The following RANBP2 variants were observed in gnomAD, a reference collection of about 807,000 sequenced individuals.
RANBP2 encodes RAN binding protein 2, also known as E3 SUMO-protein ligase RanBP2.
RANBP2 carries 57 observed loss-of-function variants against 303.6 expected under a neutral mutation model. The ratio of observed to expected loss-of-function variants is 0.19; its 90% CI spans 0.15 to 0.23. RANBP2 has a LOEUF of 0.23. Ranked by LOEUF, RANBP2 falls within the 10% of genes least tolerant of loss-of-function variation. The pLI, the probability that RANBP2 is intolerant of heterozygous loss-of-function variation, is 1.00. For synonymous variants in RANBP2, 1,167 were observed against 1,301.5 expected, an observed-to-expected ratio of 0.90 and a Z score of 2.23; for missense variants, 3,138 against 3,780.8, an observed-to-expected ratio of 0.83 and a Z score of 4.46.
chr2:108,915,332 GC>G, the RANBP2 span, among the ~76,000 whole-genome samples: 1 of 152,218 alleles, frequency 6.6e-6, no homozygotes, highest in East Asian at 1.9e-4. Flanking sequence ...ATGGAGCAGG[GC>G]CACAGGAGAA....
rs1219328922 is a variant in RANBP2 at position 108,737,196 on chromosome 2, G to C, written c.782+947G>C. On this transcript the variant is annotated intron_variant, in intron 6 of 28. Transcript: ENST00000283195. ...TCTAAAAGAACTAACATAACTTTAA[G>C]ATTATTTTAGAAAACATGTAGGATG... is the stretch of plus-strand genomic sequence containing the variant. Among the ~76,000 whole-genome samples the C allele has an allele frequency of 3.3e-5, 5 of 152,152 alleles. No individual in the cohort carries two copies. In the South Asian group the frequency reaches 1.0e-3, roughly 32 times the overall value.
the RANBP2 span, among the ~76,000 whole-genome samples, chr2:109,314,495 G>A: frequency 3.9e-5 from 6 of 152,254 alleles, no homozygotes; most frequent in East Asian, 7.8e-4. Flanking sequence ...GACCTTTGAT[G>A]TCACCTCCGT....
the RANBP2 span, among the ~76,000 whole-genome samples, chr2:108,893,353 T>C: frequency 6.6e-6 from 1 of 152,162 alleles, no homozygotes; most frequent in Non-Finnish European, 1.5e-5. Context: ...AGACCTAGCC[T>C]GAGAGCCACT....
the RANBP2 span, among the ~76,000 whole-genome samples, chr2:108,857,704 A>G: frequency 1.3e-5 from 2 of 152,212 alleles, 1 homozygote; most frequent in South Asian, 4.1e-4. Flanking sequence ...TGTGTATTTC[A>G]GTTTACTAAT....
At position 108,763,647 on chromosome 2, in the gene RANBP2, T is replaced by A. The variant is rs1676903722; in HGVS notation, c.3108T>A (p.Asn1036Lys). The change falls in exon 20 of 29, where the codon AAT (asparagine) becomes AAA (lysine). Residue 1036 changes from asparagine to lysine, a missense_variant. Transcript: ENST00000283195. ...TQPTPFKFNS[N>K]FKSNDGDFTF... ...CAACTCCTTTTAAATTTAACTCAAATTTCAAATCAAATGATGGTGACTTCA... is the reference window on the plus strand; with the variant it reads ...CAACTCCTTTTAAATTTAACTCAAAATTCAAATCAAATGATGGTGACTTCA... 1 of 1,614,116 alleles carries A rather than the reference T, an allele frequency of 6.2e-7. No individual in the cohort carries two copies. The highest frequency in any genetic ancestry group is 1.1e-5 in the South Asian group (1 of 91,086).
chr2:109,170,350 T>G, the RANBP2 span, among the ~76,000 whole-genome samples: 3 of 151,274 alleles, frequency 2.0e-5, no homozygotes, highest in African/African-American at 7.3e-5. Context: ...CTCTTTCCTT[T>G]CTTTCTTTCT....
the RANBP2 span, among the ~76,000 whole-genome samples, chr2:108,792,187 A>G: frequency 6.6e-6 from 1 of 152,168 alleles, no homozygotes; most frequent in Non-Finnish European, 1.5e-5. Context: ...CGGGATTTCA[A>G]GGAATGAGAC....
chr2:108,727,460 A>G (rs577394959), intron 1 of RANBP2, among the ~76,000 whole-genome samples: 134 of 152,156 alleles, frequency 8.8e-4, no homozygotes, highest in Admixed American at 1.3e-3. Context: ...CAAACAGGAA[A>G]CATGTTTCGA....
At chr2:109,202,321 G>T in the RANBP2 span, among the ~76,000 whole-genome samples, 1 of 152,178 alleles carries the variant, frequency 6.6e-6, no homozygotes, top group Non-Finnish European at 1.5e-5. Context: ...GATGGATAAT[G>T]AAACTCCCTA....
At chr2:109,564,572 T>G in the RANBP2 span, 5 of 1,446,618 alleles carry the variant, frequency 3.5e-6, no homozygotes, top group Non-Finnish European at 4.6e-6. Flanking sequence ...AACACTGGAT[T>G]TTAATTCCTG....
the RANBP2 span, among the ~76,000 whole-genome samples, chr2:109,232,623 A>G: frequency 1.3e-5 from 2 of 152,138 alleles, no homozygotes; most frequent in Non-Finnish European, 2.9e-5. Context: ...TACCCTGTCC[A>G]TCCCTTCTTT....
At chr2:109,144,430 G>A in the RANBP2 span, among the ~76,000 whole-genome samples, 1 of 152,178 alleles carries the variant, frequency 6.6e-6, no homozygotes, top group African/African-American at 2.4e-5. Flanking sequence ...TCACCATGAC[G>A]TCTCTAGGTT....
At chr2:108,751,175 A>G in intron 9 of RANBP2, 89 bp from the exon 10 acceptor site, 1 of 1,543,902 alleles carries the variant, frequency 6.5e-7, no homozygotes, top group South Asian at 1.1e-5. Context: ...TAATTAAGAT[A>G]TATATAATGT....
At position 108,762,344 on chromosome 2, in the gene RANBP2, A is replaced by G. The variant is rs1244486639; in HGVS notation, c.2697+149A>G. 1.6e-5 allele frequency: 13 copies of G among 833,744 alleles called. No homozygotes were observed. In the African/African-American group the frequency reaches 2.7e-4, roughly 17 times the overall value. 51.6% of individuals were successfully genotyped at this position (833,744 alleles called of 1,614,324 possible). ...TTTAAATTTATCTCCAAATACAGAA[A>G]TTATCCTTCTTAGTCACCTTATTTT... is the stretch of plus-strand genomic sequence containing the variant. On this transcript the variant is annotated intron_variant, in intron 19 of 28. Transcript: ENST00000283195.
At chr2:108,864,569 G>A in the RANBP2 span, among the ~76,000 whole-genome samples, 23 of 152,098 alleles carry the variant, frequency 1.5e-4, no homozygotes, top group East Asian at 2.3e-3. Context: ...AGGCCAAGGC[G>A]GGCAGATCAC....
chr2:108,759,304 TAAAG>T (rs905106099), intron 18 of RANBP2, among the ~76,000 whole-genome samples: 1 of 152,112 alleles, frequency 6.6e-6, no homozygotes, highest in Non-Finnish European at 1.5e-5. Context: ...ATAAGGAAAT[TAAAG>T]AAAGGTTAGG....
chr2:109,652,472 A>G, the RANBP2 span, among the ~76,000 whole-genome samples: 13 of 151,970 alleles, frequency 8.6e-5, no homozygotes, highest in Non-Finnish European at 1.9e-4. Flanking sequence ...TGATCCGCCC[A>G]CCTCGGCCTC....
chr2:108,967,708 T>C, the RANBP2 span, among the ~76,000 whole-genome samples: 1 of 152,180 alleles, frequency 6.6e-6, no homozygotes, highest in Non-Finnish European at 1.5e-5. Context: ...TCTTTTCCCC[T>C]TATCCCTCAA....
Position 108,771,738 on chromosome 2 carries a change from T to C in RANBP2, c.7887T>C (p.Asp2629=), listed in dbSNP as rs760400140. The C allele has an allele frequency of 8.1e-6, 13 of 1,613,626 alleles. No homozygotes were observed. The highest frequency in any genetic ancestry group is 2.2e-5 in the South Asian group (2 of 90,970). The change falls in exon 21 of 29, where the codon GAT becomes GAC. Residue 2629 remains aspartate, a synonymous_variant. Coordinates refer to ENST00000283195, the MANE Select transcript of RANBP2 (RefSeq NM_006267.5). ...AAAAACCTGAAGATTCTCCCTCAGA[T>C]GATGATGTTCTCATTGTATATGAAC... is the stretch of plus-strand genomic sequence containing the variant. The part of the protein sequence containing the change: ...EKKKPEDSPS[D]DDVLIVYELT...
Sources: allele counts gnomAD v4.1 joint callset (sites outside exome capture counted in the v4.1 genomes callset), GRCh38; gene constraint gnomAD v4.1.1; transcripts MANE v1.5; gene names NCBI Gene and HGNC (gene_info 2026-07-23, HGNC 2026-07-21).